Variants in USP6NL observed in about 807,000 individuals in gnomAD.
The protein encoded by USP6NL is USP6 N-terminal-like protein.
USP6NL carries 26 observed loss-of-function variants against 61.9 expected under a neutral mutation model. The observed-to-expected ratio is 0.42, with a 90% CI of 0.31 to 0.58. The LOEUF (loss-of-function observed/expected upper bound fraction) is 0.58, where lower values mean the gene tolerates loss of function less well. Among genes scored for constraint, USP6NL ranks in the 20% least tolerant of loss-of-function variants. USP6NL has a pLI of 0.16. For synonymous variants in USP6NL, 432 were observed against 390.1 expected (o/e 1.11, Z -1.27); for missense variants, 1,114 against 1,034.3 (o/e 1.08, Z -1.06).
Position 11,490,712 on chromosome 10 carries a change from T to TA in USP6NL, c.543+119dup. On this transcript the variant is annotated intron_variant, in intron 9 of 14. Transcript: ENST00000609104. This position sits in a 1 kb window ranked among gnomAD's most constrained non-coding sequence, Gnocchi z 4.5. ...TTCAGCTTAAAAAGATCCACAGAGC[T>TA]AAAGAGACCATGGAGACCACCTAGC... The TA allele has an allele frequency of 1.0e-6, 1 of 978,972 alleles. No homozygotes were observed. Among genetic ancestry groups the TA allele is most frequent in the Non-Finnish European group, 1.5e-6 (1 of 656,864 alleles). 60.6% of individuals were successfully genotyped at this position (978,972 alleles called of 1,614,324 possible). A position where few individuals can be genotyped will look rare whatever the true frequency, so the allele number is the denominator to read the frequency against.
At position 11,525,697 on chromosome 10, in the gene USP6NL, C is replaced by CA. The variant is rs1332922499; in HGVS notation, c.73-230dup. Among the ~76,000 whole-genome samples the CA allele has an allele frequency of 2.0e-5, 3 of 152,120 alleles. No individual in the cohort carries two copies. The highest frequency in any genetic ancestry group is 4.4e-5 in the Non-Finnish European group (3 of 68,026). On this transcript the variant is annotated intron_variant, in intron 3 of 14. Coordinates refer to ENST00000609104, the MANE Select transcript of USP6NL (RefSeq NM_014688.5). The surrounding 1 kb of genome is among the most constrained non-coding windows in gnomAD (Gnocchi z 5.0). The stretch of plus-strand genomic sequence containing the variant: ...GACTCTGGAAGATGCTGTGTGTCAG[C>CA]AGCAGCTGACGCGGAGCTGAGCCAG...
At chr10:11,549,418 G>A (rs1836406765) in intron 2 of USP6NL, among the ~76,000 whole-genome samples, 1 of 152,082 alleles carries the variant, frequency 6.6e-6, no homozygotes, top group Admixed American at 6.5e-5. Flanking sequence ...ACTCCACACT[G>A]TTCACAGATA....
rs1400243199 is a variant in USP6NL at position 11,463,652 on chromosome 10, C to T, written c.1276G>A (p.Glu426Lys). ...PHPQSRTGTPERAQPPRRKSV... is the reference protein window; with the variant it reads ...PHPQSRTGTPKRAQPPRRKSV... ...TTCCGTCTTGGCGGCTGTGCTCTCT[C>T]GGGCGTCCCGGTCCTGCTCTGGGGG... Residue 426 changes from glutamate (E) to lysine (K), a missense_variant, in exon 15 of 15, where the codon GAG becomes AAG. Glu to Lys is a moderately conservative substitution (Grantham distance 56, BLOSUM62 1). Transcript: ENST00000609104. This position sits in a 1 kb window ranked among gnomAD's most constrained non-coding sequence, Gnocchi z 6.3. 13 of 1,613,816 alleles carry T rather than the reference C, an allele frequency of 8.1e-6. No individual in the cohort carries two copies. Among genetic ancestry groups the T allele is most frequent in the Admixed American group, 3.3e-5 (2 of 60,016 alleles).
rs531316593 is a variant in USP6NL, at chr10:11,585,259, G to A, written c.4+12372C>T. On this transcript the variant is annotated intron_variant, in intron 2 of 14. Transcript: ENST00000609104. The surrounding 1 kb of genome is among the most constrained non-coding windows in gnomAD (Gnocchi z 4.5). Reference sequence around the variant, plus strand: ...ATGGAATCCTTGAGCAATGTAAGCCGGTGCAACCACTATGGAAAACAGTAT... The same window carrying A: ...ATGGAATCCTTGAGCAATGTAAGCCAGTGCAACCACTATGGAAAACAGTAT... 8.5e-4 allele frequency among the ~76,000 whole-genome samples: 130 copies of A among 152,070 alleles called. 2 individuals carry two copies. Among genetic ancestry groups the A allele is most frequent in the African/African-American group, 2.8e-3 (115 of 41,492 alleles).
chr10:11,510,503 GTC>G lies in USP6NL; in HGVS notation c.196-830_196-829del, dbSNP rs1834656546. On this transcript the variant is annotated intron_variant, in intron 5 of 14. Transcript: ENST00000609104. This position sits in a 1 kb window ranked among gnomAD's most constrained non-coding sequence, Gnocchi z 4.8. The stretch of plus-strand genomic sequence containing the variant: ...CACCAGGCTGCCAAAGTTGGGAGAA[GTC>G]TCTTGCGTGCCCACTCAAGTGAAAT... Among the ~76,000 whole-genome samples the G allele has an allele frequency of 6.6e-6, 1 of 152,160 alleles. No homozygotes were observed. Among genetic ancestry groups the G allele is most frequent in the African/African-American group, 2.4e-5 (1 of 41,438 alleles).
At chr10:11,494,291 T>A (rs1833821412) in intron 7 of USP6NL, among the ~76,000 whole-genome samples, 1 of 152,214 alleles carries the variant, frequency 6.6e-6, no homozygotes, top group African/African-American at 2.4e-5. Context: ...ACTTCACATT[T>A]CAGTACTGGG....
chr10:11,551,711 C>T (rs553785560), intron 2 of USP6NL, among the ~76,000 whole-genome samples: 13 of 152,316 alleles, frequency 8.5e-5, no homozygotes, highest in East Asian at 3.9e-4. Flanking sequence ...CTATGTTTAA[C>T]GTCTATATAG....
At chr10:11,571,760 G>A (rs936714495) in intron 2 of USP6NL, among the ~76,000 whole-genome samples, 2 of 148,686 alleles carry the variant, frequency 1.3e-5, no homozygotes, top group Non-Finnish European at 3.0e-5. Context: ...ACAATATTCT[G>A]CAAAAGGATA....
intron 2 of USP6NL, among the ~76,000 whole-genome samples, chr10:11,581,859 C>T (rs1837784358): frequency 6.6e-6 from 1 of 152,176 alleles, no homozygotes; most frequent in African/African-American, 2.4e-5. Flanking sequence ...GCAACCTTTG[C>T]TTCCCAGGTT....
Position 11,592,140 on chromosome 10 carries a change from G to A in USP6NL, c.4+5491C>T, listed in dbSNP as rs544765621. ...GGCCACCTCAGCCTCCCAAAGTATT[G>A]GCATTACAGCCGTGAGCCACCACAC... On this transcript the variant is annotated intron_variant, in intron 2 of 14. Coordinates refer to ENST00000609104, the MANE Select transcript of USP6NL (RefSeq NM_014688.5). The surrounding 1 kb of genome is among the most constrained non-coding windows in gnomAD (Gnocchi z 4.7). Among the ~76,000 whole-genome samples the A allele has an allele frequency of 6.6e-6, 1 of 152,212 alleles. No individual in the cohort carries two copies. Among genetic ancestry groups the A allele is most frequent in the East Asian group, 1.9e-4 (1 of 5,186 alleles).
At position 11,585,194 on chromosome 10, in the gene USP6NL, C is replaced by T. The variant is rs542941727; in HGVS notation, c.4+12437G>A. 7.2e-5 allele frequency among the ~76,000 whole-genome samples: 11 copies of T among 152,080 alleles called. No homozygotes were observed. The South Asian group carries it at 1.5e-3, about 20-fold the overall frequency. ...ACCTCACTAGGATGGCTACTACCAA[C>T]GAAACAGAAAATAATAAGGGCTAGG... On this transcript the variant is annotated intron_variant, in intron 2 of 14. Transcript: ENST00000609104. The surrounding 1 kb of genome is among the most constrained non-coding windows in gnomAD (Gnocchi z 4.5).
chr10:11,572,810 T>C (rs543858541), intron 2 of USP6NL, among the ~76,000 whole-genome samples: 13 of 152,226 alleles, frequency 8.5e-5, no homozygotes, highest in African/African-American at 3.1e-4. Flanking sequence ...TTTAGTGAAA[T>C]TGCCAATATA....
intron 1 of USP6NL, among the ~76,000 whole-genome samples, chr10:11,603,385 A>G (rs1838611098): frequency 6.6e-6 from 1 of 152,230 alleles, no homozygotes; most frequent in African/African-American, 2.4e-5. Context: ...TTTACATGGT[A>G]TATGTGCCTA....
At position 11,489,262 on chromosome 10, in the gene USP6NL, T is replaced by G; in HGVS notation, c.544-40A>C. ...GGAACACAGAAGCTGGGGAGTTCAG[T>G]CGAATTACATGCATATGTACAGAGA... On this transcript the variant is annotated intron_variant, in intron 9 of 14. Transcript: ENST00000609104. The surrounding 1 kb of genome is among the most constrained non-coding windows in gnomAD (Gnocchi z 5.7). The G allele has an allele frequency of 7.4e-6, 12 of 1,611,260 alleles. No homozygotes were observed. The highest frequency in any genetic ancestry group is 1.0e-5 in the Non-Finnish European group (12 of 1,178,194).
chr10:11,543,870 G>A (rs1012696171), intron 2 of USP6NL, among the ~76,000 whole-genome samples: 1 of 134,620 alleles, frequency 7.4e-6, no homozygotes, highest in Non-Finnish European at 1.5e-5. Flanking sequence ...GGAGTGCAGT[G>A]GCGCAGTCTC....
At chr10:11,533,435 C>T (rs1033343613) in intron 2 of USP6NL, among the ~76,000 whole-genome samples, 8 of 152,186 alleles carry the variant, frequency 5.3e-5, no homozygotes, top group Admixed American at 3.9e-4. Context: ...AAAGTGATTA[C>T]AGATGTAATT....
rs988022342 is a variant in USP6NL, at chr10:11,478,418, C to T, written c.1078+3352G>A. On this transcript the variant is annotated intron_variant, in intron 14 of 14. Coordinates refer to ENST00000609104, the MANE Select transcript of USP6NL (RefSeq NM_014688.5). This position sits in a 1 kb window ranked among gnomAD's most constrained non-coding sequence, Gnocchi z 6.8. ...GTCACATGAAGAAAACAAACCTCAA[C>T]GACTGTAAAATAAAAGCTTTTACTT... 9.2e-5 allele frequency among the ~76,000 whole-genome samples: 14 copies of T among 152,132 alleles called. No individual in the cohort carries two copies. The highest frequency in any genetic ancestry group is 2.2e-4 in the African/African-American group (9 of 41,420).
chr10:11,573,373 C>T (rs1199362370), intron 2 of USP6NL: 2 of 349,490 alleles, frequency 5.7e-6, no homozygotes, highest in Non-Finnish European at 1.0e-5. Context: ...AATAACCTCC[C>T]CTTACTCTGT....
chr10:11,555,602 T>C (rs1409261312), intron 2 of USP6NL, among the ~76,000 whole-genome samples: 1 of 150,774 alleles, frequency 6.6e-6, no homozygotes. Flanking sequence ...ACAGATAGAA[T>C]GGTACAGAAG....
Sources: allele counts gnomAD v4.1 joint callset (sites outside exome capture counted in the v4.1 genomes callset), GRCh38; gene constraint gnomAD v4.1.1; non-coding constraint Gnocchi (gnomAD v3.1); transcripts MANE v1.5; gene names NCBI Gene and HGNC (gene_info 2026-07-23, HGNC 2026-07-21).